Variants in CDC40 observed in about 807,000 individuals in gnomAD.
CDC40 encodes pre-mRNA-processing factor 17.
Under a neutral mutation model 80.6 loss-of-function variants are expected in CDC40, and 27 were observed. That is an observed-to-expected ratio of 0.33 (90% CI 0.25 to 0.46). CDC40 has a LOEUF of 0.46. Among genes scored for constraint, CDC40 ranks in the 20% least tolerant of loss-of-function variants. The probability of loss-of-function intolerance (pLI) is 1.00; values close to 1 mark genes in which losing one functional copy is unlikely to be tolerated. For missense variants in CDC40, 486 were observed against 694.1 expected (o/e 0.70, Z 3.37); for synonymous variants, 221 against 232.6 (o/e 0.95, Z 0.45).
intron 2 of CDC40, among the ~76,000 whole-genome samples, chr6:110,193,721 A>G (rs1160728367): frequency 6.6e-6 from 1 of 152,280 alleles, no homozygotes; most frequent in Non-Finnish European, 1.5e-5. Context: ...ACATCCTTCT[A>G]TTCTCCAAAA....
At position 110,231,089 on chromosome 6, in the gene CDC40, A is replaced by C. The variant is rs1251067461; in HGVS notation, c.*958A>C. ...ACAACAGAACTTTTTAAGATTAAAAAATTTTTAAACCTCTATGTCTGAAAA... is the reference window on the plus strand; with the variant it reads ...ACAACAGAACTTTTTAAGATTAAAACATTTTTAAACCTCTATGTCTGAAAA... On this transcript the variant is annotated 3_prime_UTR_variant, in exon 15 of 15. Coordinates refer to ENST00000307731, the MANE Select transcript of CDC40 (RefSeq NM_015891.3). The C allele has an allele frequency of 6.6e-6, 1 of 152,240 alleles. No homozygotes were observed. The highest frequency in any genetic ancestry group is 2.4e-5 in the African/African-American group (1 of 41,464). 9.4% of individuals were successfully genotyped at this position (152,240 alleles called of 1,614,324 possible).
chr6:110,193,446 C>T (rs1777377724), intron 2 of CDC40, among the ~76,000 whole-genome samples, 178 bp downstream of exon 2: 1 of 151,974 alleles, frequency 6.6e-6, no homozygotes, highest in Non-Finnish European at 1.5e-5. Flanking sequence ...GCTCTGTCGC[C>T]CAGGCTGGAG....
At chr6:110,209,411 TCTG>T (rs971242546) in intron 5 of CDC40, 188 bp downstream of exon 5, 4 of 480,312 alleles carry the variant, frequency 8.3e-6, no homozygotes, top group Non-Finnish European at 1.1e-5. Flanking sequence ...ATTTACCTTT[TCTG>T]CTGATTTGTT....
intron 9 of CDC40, 51 bp from the exon 10 acceptor site, chr6:110,217,651 A>C (rs778710699): frequency 4.8e-6 from 4 of 827,526 alleles, no homozygotes; most frequent in Non-Finnish European, 8.6e-6. Flanking sequence ...TTAAGAGAAG[A>C]AGATATATGA....
intron 13 of CDC40, among the ~76,000 whole-genome samples, chr6:110,227,797 G>T (rs1218759110): frequency 6.6e-6 from 1 of 152,228 alleles, no homozygotes; most frequent in East Asian, 1.9e-4. Context: ...CAGGAGATAT[G>T]TAGGTTATAT....
intron 6 of CDC40, chr6:110,211,135 C>G (rs1263661311): frequency 6.5e-6 from 1 of 154,136 alleles, no homozygotes; most frequent in Non-Finnish European, 1.4e-5. Flanking sequence ...ATTAATAGTG[C>G]CCCAGTCATT....
chr6:110,204,096 T>C (rs1291339242), intron 3 of CDC40, among the ~76,000 whole-genome samples: 1 of 152,172 alleles, frequency 6.6e-6, no homozygotes, highest in East Asian at 1.9e-4. Context: ...CACTGCAAGC[T>C]CCGCCTCCTG....
At chr6:110,201,469 A>G in intron 2 of CDC40, 89 bp from the exon 3 acceptor site, 2 of 981,776 alleles carry the variant, frequency 2.0e-6, no homozygotes, top group Non-Finnish European at 1.5e-6. Flanking sequence ...CTTTTTTTGT[A>G]CAGTTATTCC....
At chr6:110,184,079 G>A (rs978407584) in intron 1 of CDC40, among the ~76,000 whole-genome samples, 16 of 152,238 alleles carry the variant, frequency 1.1e-4, no homozygotes, top group African/African-American at 3.6e-4. Flanking sequence ...TTAACTCATA[G>A]TCATGAAAAT....
intron 2 of CDC40, among the ~76,000 whole-genome samples, chr6:110,196,790 G>A (rs73537938): frequency 0.28 from 42,282 of 151,868 alleles, 8,496 homozygotes; most frequent in African/African-American, 0.57. Context: ...GATATGACAT[G>A]ATATCCACTA....
chr6:110,183,648 T>C (rs72934099), intron 1 of CDC40, among the ~76,000 whole-genome samples: 3,009 of 152,330 alleles, frequency 0.02, 74 homozygotes, highest in African/African-American at 0.056. Flanking sequence ...TTGCAAATGA[T>C]TGGAAAATTG....
intron 3 of CDC40, 133 bp from the exon 4 acceptor site, chr6:110,207,373 T>C (rs971987935): frequency 1.8e-6 from 1 of 563,336 alleles, no homozygotes; most frequent in Non-Finnish European, 3.2e-6. Flanking sequence ...TGATTGGTCC[T>C]GATTGGTCCT....
At chr6:110,210,833 T>A in intron 6 of CDC40, 30 bp downstream of exon 6, 1 of 1,236,112 alleles carries the variant, frequency 8.1e-7, no homozygotes, top group East Asian at 2.5e-5. Flanking sequence ...TCTTCATTTT[T>A]ATGAAAAACC....
chr6:110,204,195 G>A (rs1187012985), intron 3 of CDC40, among the ~76,000 whole-genome samples: 2 of 151,964 alleles, frequency 1.3e-5, no homozygotes, highest in Admixed American at 1.3e-4. Flanking sequence ...TGTATTTTTA[G>A]TAGAGACGGG....
chr6:110,186,017 C>G (rs371962667), intron 1 of CDC40, among the ~76,000 whole-genome samples: 1 of 152,152 alleles, frequency 6.6e-6, no homozygotes, highest in African/African-American at 2.4e-5. Context: ...CTGAGCAATG[C>G]GAGAACCTTA....
chr6:110,227,810 A>C (rs1323059700), intron 13 of CDC40, among the ~76,000 whole-genome samples: 1 of 152,256 alleles, frequency 6.6e-6, no homozygotes, highest in Non-Finnish European at 1.5e-5. Context: ...GGTTATATGC[A>C]AATACTATGC....
At position 110,212,166 on chromosome 6, in the gene CDC40, A is replaced by C; in HGVS notation, c.761A>C (p.Tyr254Ser). The change falls in exon 7 of 15, where the codon TAT becomes TCT. Residue 254 changes from tyrosine to serine, a missense_variant. By Grantham distance (144) the Tyr-to-Ser change is moderately radical. Coordinates refer to ENST00000307731, the MANE Select transcript of CDC40 (RefSeq NM_015891.3). ...KEMYDYQGRSYLHIPQDVGVN... is the reference protein window; with the variant it reads ...KEMYDYQGRSSLHIPQDVGVN... ...ATGTATGACTATCAAGGCAGGTCCT[A>C]TCTTCACATACCTCAGGATGTTGGT... 1 of 1,613,626 alleles carries C rather than the reference A, an allele frequency of 6.2e-7. No individual in the cohort carries two copies. The highest frequency in any genetic ancestry group is 1.1e-5 in the South Asian group (1 of 91,064).
At chr6:110,191,030 G>A (rs1364856661) in intron 1 of CDC40, among the ~76,000 whole-genome samples, 1 of 152,180 alleles carries the variant, frequency 6.6e-6, no homozygotes, top group Non-Finnish European at 1.5e-5. Flanking sequence ...ATAGGGTAAA[G>A]ATATGGGCAG....
intron 13 of CDC40, among the ~76,000 whole-genome samples, chr6:110,226,670 C>T (rs1213578130): frequency 6.6e-6 from 1 of 151,680 alleles, no homozygotes; most frequent in African/African-American, 2.4e-5. Flanking sequence ...TCCTCAGCCT[C>T]CCAAGGTGCT....
Sources: gnomAD v4.1 joint callset for allele counts (sites outside exome capture counted in the v4.1 genomes callset) on GRCh38, gnomAD v4.1.1 for gene constraint, MANE v1.5 for transcripts, NCBI Gene and HGNC (gene_info 2026-07-23, HGNC 2026-07-21) for gene names.